Variants in FUT9 observed in about 807,000 individuals in gnomAD.
FUT9 encodes the protein fucosyltransferase 9.
A neutral mutation model predicts 29.7 loss-of-function variants in FUT9; 15 were observed. The observed-to-expected ratio is 0.51, with a 90% CI of 0.34 to 0.78. The LOEUF (loss-of-function observed/expected upper bound fraction) is 0.78, where lower values mean the gene tolerates loss of function less well. FUT9 is among the 30% of genes least tolerant of loss of function. The pLI, the probability that FUT9 is intolerant of heterozygous loss-of-function variation, is 0.01. For missense variants in FUT9, 319 were observed against 425.4 expected, an observed-to-expected ratio of 0.75 and a Z score of 2.20; for synonymous variants, 169 against 153.7, an observed-to-expected ratio of 1.10 and a Z score of -0.74.
chr6:96,158,930 G>A (rs944019121), intron 2 of FUT9, among the ~76,000 whole-genome samples: 4 of 151,702 alleles, frequency 2.6e-5, no homozygotes, highest in African/African-American at 9.7e-5. Flanking sequence ...TAAAGGTAAA[G>A]GTCAATGTTC....
At chr6:96,046,221 G>GCA (rs139036869) in intron 1 of FUT9, among the ~76,000 whole-genome samples, 5,058 of 148,100 alleles carry the variant, frequency 0.034, 96 homozygotes, top group East Asian at 0.095. Flanking sequence ...ACACAGATAT[G>GCA]CACACACACA....
chr6:96,094,498 C>G (rs1243623602), intron 1 of FUT9, among the ~76,000 whole-genome samples: 1 of 152,052 alleles, frequency 6.6e-6, no homozygotes, highest in Admixed American at 6.6e-5. Flanking sequence ...AGGTTGCAAC[C>G]TATGATGAGA....
At chr6:96,016,474 C>T (rs1490503836) in intron 1 of FUT9, among the ~76,000 whole-genome samples, 1 of 152,202 alleles carries the variant, frequency 6.6e-6, no homozygotes. Context: ...CAGGCTCCCA[C>T]ACTAGCAGCA....
At chr6:96,082,836 G>T (rs1397210154) in intron 1 of FUT9, among the ~76,000 whole-genome samples, 1 of 151,712 alleles carries the variant, frequency 6.6e-6, no homozygotes, top group African/African-American at 2.4e-5. Context: ...TTAGTAAATT[G>T]TTATCATTTT....
At chr6:96,068,114 A>G (rs1007132097) in intron 1 of FUT9, among the ~76,000 whole-genome samples, 5 of 152,202 alleles carry the variant, frequency 3.3e-5, no homozygotes, top group Non-Finnish European at 5.9e-5. Flanking sequence ...TGGATTAATC[A>G]TTTTAGTCAT....
chr6:96,051,049 A>G (rs1770659082), intron 1 of FUT9, among the ~76,000 whole-genome samples: 1 of 151,572 alleles, frequency 6.6e-6, no homozygotes, highest in Non-Finnish European at 1.5e-5. Flanking sequence ...CAATTTCTTC[A>G]GATAAATTTT....
intron 2 of FUT9, among the ~76,000 whole-genome samples, chr6:96,171,805 A>G (rs946903544): frequency 6.6e-6 from 1 of 152,098 alleles, no homozygotes; most frequent in Admixed American, 6.6e-5. Context: ...CCCTTCATTC[A>G]TCCTAACCCT....
intron 1 of FUT9, among the ~76,000 whole-genome samples, chr6:96,031,170 T>A (rs1048163906): frequency 5.9e-5 from 9 of 151,614 alleles, no homozygotes; most frequent in African/African-American, 1.9e-4. Flanking sequence ...AGGCACTTTC[T>A]AACAGTGCCT....
At chr6:96,092,243 T>C (rs1387617901) in intron 1 of FUT9, among the ~76,000 whole-genome samples, 1 of 152,148 alleles carries the variant, frequency 6.6e-6, no homozygotes, top group East Asian at 1.9e-4. Flanking sequence ...TAGAGCTGTA[T>C]AAATCTTTAT....
intron 1 of FUT9, among the ~76,000 whole-genome samples, chr6:96,102,010 G>T (rs866885964): frequency 6.6e-6 from 1 of 151,974 alleles, no homozygotes; most frequent in Non-Finnish European, 1.5e-5. Context: ...ATGTATGCAC[G>T]TGTGTGTAAA....
chr6:96,083,681 C>G (rs541935495), intron 1 of FUT9, among the ~76,000 whole-genome samples: 1 of 152,150 alleles, frequency 6.6e-6, no homozygotes, highest in African/African-American at 2.4e-5. Flanking sequence ...AGCTCTGCTT[C>G]TCTTGAGTTA....
intron 1 of FUT9, among the ~76,000 whole-genome samples, chr6:96,061,713 T>G (rs1049543384): frequency 7.2e-5 from 11 of 152,236 alleles, no homozygotes; most frequent in African/African-American, 2.2e-4. Flanking sequence ...CTGTTCTTCA[T>G]TCAAGTGGTG....
In FUT9 at chr6:96,062,355, C is replaced by T. The variant is rs184297105; in HGVS notation, c.-98+46143C>T. Among the ~76,000 whole-genome samples the T allele has an allele frequency of 7.7e-3, 820 of 106,004 alleles. 4 individuals are homozygous for T. The highest frequency in any genetic ancestry group is 0.026 in the African/African-American group (782 of 30,544). 69.5% of individuals were successfully genotyped at this position (106,004 alleles called of 152,430 possible). A position where few individuals can be genotyped will look rare whatever the true frequency, so the allele number is the denominator to read the frequency against. ...TTTACTCTCTATAGCTGAGAGTCAA[C>T]CAATGATATTCAAGTTGATAAACCA... On this transcript the variant is annotated intron_variant, in intron 1 of 2. Transcript: ENST00000302103.
chr6:96,040,249 A>C (rs904644627), intron 1 of FUT9, among the ~76,000 whole-genome samples: 4 of 152,182 alleles, frequency 2.6e-5, no homozygotes, highest in African/African-American at 9.7e-5. Flanking sequence ...TAGAAGAACA[A>C]AACACATTCT....
chr6:96,149,465 C>A (rs967899315), intron 2 of FUT9, among the ~76,000 whole-genome samples: 1 of 152,098 alleles, frequency 6.6e-6, no homozygotes, highest in Non-Finnish European at 1.5e-5. Flanking sequence ...AAACCTGAAA[C>A]AAATGTTTTC....
At chr6:96,186,524 G>A (rs1267429334) in intron 2 of FUT9, among the ~76,000 whole-genome samples, 2 of 152,094 alleles carry the variant, frequency 1.3e-5, no homozygotes, top group Non-Finnish European at 2.9e-5. Flanking sequence ...CAGAGAAACA[G>A]AACCAACAGT....
intron 1 of FUT9, among the ~76,000 whole-genome samples, chr6:96,102,664 A>G (rs1479075012): frequency 1.3e-5 from 2 of 152,192 alleles, no homozygotes; most frequent in Non-Finnish European, 2.9e-5. Context: ...CATATGATTC[A>G]TTGGATTTGA....
chr6:96,040,805 A>G lies in FUT9; in HGVS notation c.-98+24593A>G, dbSNP rs76115758. 5.6e-3 allele frequency among the ~76,000 whole-genome samples: 847 copies of G among 152,318 alleles called. 14 individuals carry two copies. The highest frequency in any genetic ancestry group is 0.02 in the African/African-American group (821 of 41,568). The stretch of plus-strand genomic sequence containing the variant: ...TCCCTGGATTTGGCTTAGTGGTAAC[A>G]TTCACCAAGACACTGGAAGATGGCC... On this transcript the variant is annotated intron_variant, in intron 1 of 2. Coordinates refer to ENST00000302103, the MANE Select transcript of FUT9 (RefSeq NM_006581.4).
intron 1 of FUT9, among the ~76,000 whole-genome samples, chr6:96,071,553 A>T (rs149976916): frequency 2.0e-5 from 3 of 152,322 alleles, no homozygotes; most frequent in African/African-American, 7.2e-5. Context: ...CAAATCAATT[A>T]TTTTAAAAAT....
Sources: gnomAD v4.1 joint callset for allele counts (sites outside exome capture counted in the v4.1 genomes callset) on GRCh38, gnomAD v4.1.1 for gene constraint, MANE v1.5 for transcripts, NCBI Gene and HGNC (gene_info 2026-07-23, HGNC 2026-07-21) for gene names.